DESI2: variants seen among roughly 807,000 people sequenced by gnomAD.
DESI2 encodes the protein deubiquitinase DESI2.
A neutral mutation model predicts 24.1 loss-of-function variants in DESI2; 10 were observed. The observed-to-expected ratio is 0.41, with a 90% CI of 0.26 to 0.70. The LOEUF is 0.70. DESI2 is among the 30% of genes least tolerant of loss of function. The probability of loss-of-function intolerance (pLI) is 0.29; values close to 1 mark genes in which losing one functional copy is unlikely to be tolerated. For synonymous variants in DESI2, 71 were observed against 87.7 expected (o/e 0.81, Z 1.06); for missense variants, 122 against 234.9 (o/e 0.52, Z 3.14).
intron 4 of DESI2, among the ~76,000 whole-genome samples, chr1:244,697,879 C>G (rs1677283028): frequency 6.6e-6 from 1 of 152,186 alleles, no homozygotes; most frequent in South Asian, 2.1e-4. Context: ...TGAATCAGTT[C>G]TCAGGGCTGG....
rs145759459 is a variant in DESI2 at position 244,686,588 on chromosome 1, T to C, written c.43-9T>C. ...GGTATTCTGAATCTTTTCTTTCTTT[T>C]TTTCTCAGTATTGGATGAACGAATA... is the stretch of plus-strand genomic sequence containing the variant. On this transcript the variant is annotated splice_polypyrimidine_tract_variant and intron_variant, in intron 1 of 4. Coordinates refer to ENST00000302550, the MANE Select transcript of DESI2 (RefSeq NM_016076.5). 6.9e-5 allele frequency: 110 copies of C among 1,584,882 alleles called. No individual in the cohort carries two copies. In the African/African-American group the frequency reaches 1.2e-3, roughly 17 times the overall value.
At chr1:244,669,378 T>TA (rs1253383725) in intron 1 of DESI2, among the ~76,000 whole-genome samples, 1 of 151,022 alleles carries the variant, frequency 6.6e-6, no homozygotes, top group East Asian at 2.0e-4. Flanking sequence ...TATTCTTGCT[T>TA]AAAAAAAGAA....
At chr1:244,698,846 G>C (rs192315554) in intron 4 of DESI2, among the ~76,000 whole-genome samples, 1 of 152,158 alleles carries the variant, frequency 6.6e-6, no homozygotes, top group Admixed American at 6.5e-5. Flanking sequence ...ATACGAAGTC[G>C]AACTGCTGAT....
chr1:244,704,426 T>A (rs1279094265), intron 4 of DESI2, among the ~76,000 whole-genome samples: 1 of 152,182 alleles, frequency 6.6e-6, no homozygotes, highest in African/African-American at 2.4e-5. Context: ...ACCCAGTTCT[T>A]ACTATTTGAA....
In DESI2 at chr1:244,686,258, GTGTGTGTA is replaced by G. The variant is rs201013167; in HGVS notation, c.43-331_43-324del. Among the ~76,000 whole-genome samples, 1,106 of 151,476 alleles carry G rather than the reference GTGTGTGTA, an allele frequency of 7.3e-3. 23 individuals carry two copies. Among genetic ancestry groups the G allele is most frequent in the East Asian group, 0.068 (349 of 5,168 alleles). On this transcript the variant is annotated intron_variant, in intron 1 of 4. Transcript: ENST00000302550. ...AGATATGAAAGCACACTCTGTGTGT[GTGTGTGTA>G]TGTGTGTGTGTGTGTGTGTAAGTCA...
chr1:244,692,885 A>G (rs1016216494), intron 4 of DESI2, among the ~76,000 whole-genome samples: 11 of 152,210 alleles, frequency 7.2e-5, no homozygotes, highest in Admixed American at 6.5e-4. Flanking sequence ...ACTGAATGCA[A>G]ATCTTCACTT....
intron 1 of DESI2, among the ~76,000 whole-genome samples, chr1:244,682,759 AGGCGGG>A (rs1676663384): frequency 1.3e-5 from 2 of 152,192 alleles, no homozygotes; most frequent in Admixed American, 6.5e-5. Context: ...TTGCAAAGAC[AGGCGGG>A]GGGCCAGATT....
chr1:244,680,618 C>T (rs1017286178), intron 1 of DESI2, among the ~76,000 whole-genome samples: 3 of 152,178 alleles, frequency 2.0e-5, no homozygotes, highest in Admixed American at 1.3e-4. Flanking sequence ...TAATGATGCT[C>T]AGTTCAATCA....
intron 1 of DESI2, among the ~76,000 whole-genome samples, chr1:244,668,815 T>A (rs1458738530): frequency 6.6e-6 from 1 of 152,222 alleles, no homozygotes; most frequent in Non-Finnish European, 1.5e-5. Flanking sequence ...TAAACAATAC[T>A]TTAAAATAAT....
intron 1 of DESI2, among the ~76,000 whole-genome samples, chr1:244,664,783 T>C (rs1001481370): frequency 2.6e-5 from 4 of 152,254 alleles, no homozygotes; most frequent in African/African-American, 9.6e-5. Flanking sequence ...GGTAAGTGTA[T>C]TTATAAGTGT....
rs146195237 is a variant in DESI2, at chr1:244,703,948, C to T, written c.352-1608C>T. Among the ~76,000 whole-genome samples, 653 of 152,202 alleles carry T rather than the reference C, an allele frequency of 4.3e-3. 11 individuals are homozygous for T. Among genetic ancestry groups the T allele is most frequent in the African/African-American group, 0.014 (594 of 41,536 alleles). Reference sequence around the variant, plus strand: ...GCTGGGAATTACAGGTGTGAGCCACCGCGCTGGGCCGAAATATTTTTAAGT... The same window carrying T: ...GCTGGGAATTACAGGTGTGAGCCACTGCGCTGGGCCGAAATATTTTTAAGT... On this transcript the variant is annotated intron_variant, in intron 4 of 4. Transcript: ENST00000302550.
intron 4 of DESI2, among the ~76,000 whole-genome samples, chr1:244,701,695 G>C (rs999432267): frequency 2.6e-5 from 4 of 152,140 alleles, no homozygotes; most frequent in Admixed American, 6.5e-5. Context: ...TTCTCTGCCT[G>C]TTCCACTATT....
intron 1 of DESI2, 82 bp downstream of exon 1, chr1:244,653,437 C>G (rs957090346): frequency 7.1e-7 from 1 of 1,411,370 alleles, no homozygotes; most frequent in Non-Finnish European, 9.5e-7. Flanking sequence ...CGGCCCCAGG[C>G]GCTTCCTGCC....
Position 244,675,006 on chromosome 1 carries a change from A to G in DESI2, c.43-11591A>G, listed in dbSNP as rs186612787. 9.1e-4 allele frequency among the ~76,000 whole-genome samples: 138 copies of G among 152,316 alleles called. 1 individual carries two copies. Among genetic ancestry groups the G allele is most frequent in the Middle Eastern group, 3.4e-3 (1 of 294 alleles). Reference sequence around the variant, plus strand: ...TGTATTCGAGTTCTAATTTCTCCACATCCTAACACTTGTTATTATCTGTCT... The same window carrying G: ...TGTATTCGAGTTCTAATTTCTCCACGTCCTAACACTTGTTATTATCTGTCT... On this transcript the variant is annotated intron_variant, in intron 1 of 4. Coordinates refer to ENST00000302550, the MANE Select transcript of DESI2 (RefSeq NM_016076.5).
intron 1 of DESI2, among the ~76,000 whole-genome samples, chr1:244,685,927 C>T (rs545416249): frequency 2.0e-5 from 3 of 152,270 alleles, no homozygotes; most frequent in Non-Finnish European, 4.4e-5. Context: ...CTCTTCCTGG[C>T]ATTTCTGTCC....
intron 1 of DESI2, among the ~76,000 whole-genome samples, chr1:244,681,485 A>G (rs955577207): frequency 5.4e-5 from 8 of 149,312 alleles, no homozygotes; most frequent in Non-Finnish European, 1.2e-4. Context: ...TTTGCCATGG[A>G]CCTGGGGCGG....
At chr1:244,672,765 T>G (rs1676290701) in intron 1 of DESI2, among the ~76,000 whole-genome samples, 1 of 152,008 alleles carries the variant, frequency 6.6e-6, no homozygotes, top group Non-Finnish European at 1.5e-5. Flanking sequence ...TAATCCCAGC[T>G]ACTCTGGAGG....
chr1:244,660,096 A>G (rs528478492), intron 1 of DESI2, among the ~76,000 whole-genome samples: 1 of 152,306 alleles, frequency 6.6e-6, no homozygotes, highest in South Asian at 2.1e-4. Context: ...TAAATCAGAT[A>G]CTTTAAAAAT....
intron 4 of DESI2, among the ~76,000 whole-genome samples, 180 bp downstream of exon 4, chr1:244,692,200 C>T (rs780354292): frequency 6.6e-6 from 1 of 151,840 alleles, no homozygotes; most frequent in African/African-American, 2.4e-5. Flanking sequence ...CTTGAGAGTC[C>T]GCAGTTTTAA....
Sources: allele counts gnomAD v4.1 joint callset (sites outside exome capture counted in the v4.1 genomes callset), GRCh38; gene constraint gnomAD v4.1.1; transcripts MANE v1.5; gene names NCBI Gene and HGNC (gene_info 2026-07-23, HGNC 2026-07-21).